Variants in PCDHGA7 observed in about 807,000 individuals in gnomAD.
PCDHGA7 encodes protocadherin gamma subfamily A, 7.
A neutral mutation model predicts 58.3 loss-of-function variants in PCDHGA7; 44 were observed. The ratio of observed to expected loss-of-function variants is 0.75; its 90% confidence interval spans 0.59 to 0.97. PCDHGA7 has a LOEUF of 0.97. Among genes scored for constraint, PCDHGA7 ranks in the 50% least tolerant of loss-of-function variants. PCDHGA7 has a pLI of 0.00. For missense variants in PCDHGA7, 1,266 were observed against 1,188.7 expected (o/e 1.06, Z -0.96); for synonymous variants, 516 against 504.2 (o/e 1.02, Z -0.31).
intron 1 of PCDHGA7, among the ~76,000 whole-genome samples, chr5:141,470,152 T>C (rs546219809): frequency 2.6e-5 from 4 of 152,308 alleles, no homozygotes; most frequent in African/African-American, 9.6e-5. Context: ...ATAGATCATC[T>C]TATCAAATCA....
At chr5:141,416,711 C>G (rs962144454) in intron 1 of PCDHGA7, 1 of 152,152 alleles carries the variant, frequency 6.6e-6, no homozygotes, top group South Asian at 2.1e-4. Context: ...ATTGGAGGTA[C>G]TGATGAGTTC....
At chr5:141,416,004 A>G (rs1225801773) in intron 1 of PCDHGA7, 2 of 254,264 alleles carry the variant, frequency 7.9e-6, no homozygotes, top group Non-Finnish European at 1.4e-5. Flanking sequence ...CAGGTCTGGT[A>G]AGAATAGGTA....
intron 1 of PCDHGA7, chr5:141,395,534 G>T: frequency 8.7e-6 from 3 of 344,098 alleles, no homozygotes; most frequent in East Asian, 5.8e-5. Context: ...TGGTAATTTT[G>T]CTATTGTTTG....
intron 1 of PCDHGA7, among the ~76,000 whole-genome samples, chr5:141,438,593 T>C (rs982159150): frequency 4.1e-5 from 3 of 73,984 alleles, no homozygotes; most frequent in Non-Finnish European, 5.5e-5. Flanking sequence ...CATACATACA[T>C]ATATATATAT....
intron 1 of PCDHGA7, chr5:141,419,360 C>T (rs763624320): frequency 6.2e-7 from 1 of 1,613,818 alleles, no homozygotes; most frequent in South Asian, 1.1e-5. Flanking sequence ...GTCACGAACG[C>T]TGTCGTCCTA....
intron 1 of PCDHGA7, among the ~76,000 whole-genome samples, chr5:141,483,709 G>A (rs1486825412): frequency 1.3e-5 from 2 of 152,036 alleles, no homozygotes; most frequent in Non-Finnish European, 2.9e-5. Flanking sequence ...TTTGACACCA[G>A]AATATTGGTT....
chr5:141,393,635 C>A (rs370544677), intron 1 of PCDHGA7: 1 of 1,613,750 alleles, frequency 6.2e-7, no homozygotes, highest in African/African-American at 1.3e-5. Context: ...AGGGAATCAA[C>A]GGAAAAGTGG....
In PCDHGA7 at chr5:141,429,386, T is replaced by A. The variant is rs534045300; in HGVS notation, c.2424+44063T>A. Among the ~76,000 whole-genome samples the A allele has an allele frequency of 4.0e-3, 602 of 151,936 alleles. 6 individuals carry two copies. The highest frequency in any genetic ancestry group is 0.011 in the Admixed American group (171 of 15,268). On this transcript the variant is annotated intron_variant, in intron 1 of 3. Coordinates refer to ENST00000518325, the MANE Select transcript of PCDHGA7 (RefSeq NM_018920.4). ...AAAATGGAGAAAATGTGTTTTTTTTTTAAAAAAAATTGAGATTAAGGTCTC... is the reference window on the plus strand; with the variant it reads ...AAAATGGAGAAAATGTGTTTTTTTTATAAAAAAAATTGAGATTAAGGTCTC...
intron 1 of PCDHGA7, chr5:141,404,335 C>G (rs2094514976): frequency 1.2e-6 from 2 of 1,613,936 alleles, no homozygotes; most frequent in Non-Finnish European, 1.7e-6. Context: ...CAGTCTACCT[C>G]CCGGAAAACA....
chr5:141,386,594 C>T (rs573192677), intron 1 of PCDHGA7, among the ~76,000 whole-genome samples: 2 of 151,204 alleles, frequency 1.3e-5, no homozygotes, highest in Non-Finnish European at 2.9e-5. Flanking sequence ...GTGGGGGATA[C>T]ATTTTTTTTT....
Position 141,415,089 on chromosome 5 carries a change from C to T in PCDHGA7, c.2424+29766C>T, listed in dbSNP as rs1159857230. 1.9e-6 allele frequency: 3 copies of T among 1,613,556 alleles called. No individual in the cohort carries two copies. In the South Asian group the frequency reaches 3.3e-5, roughly 18 times the overall value. The stretch of plus-strand genomic sequence containing the variant: ...TGCGCACGGCGCGAGCCCTGCTGGA[C>T]AGAGACGCGCTCAAGCAAAGCCTCG... On this transcript the variant is annotated intron_variant, in intron 1 of 3. Coordinates refer to ENST00000518325, the MANE Select transcript of PCDHGA7 (RefSeq NM_018920.4).
rs539901154 is a variant in PCDHGA7, at chr5:141,413,036, T to C, written c.2424+27713T>C. 238 of 805,778 alleles carry C rather than the reference T, an allele frequency of 3.0e-4. 1 individual carries two copies. Among genetic ancestry groups the C allele is most frequent in the Non-Finnish European group, 4.2e-4 (226 of 532,568 alleles). 49.9% of individuals were successfully genotyped at this position (805,778 alleles called of 1,614,324 possible). On this transcript the variant is annotated intron_variant, in intron 1 of 3. Transcript: ENST00000518325. ...TACACAAGCCCCACAAACCGGCTGC[T>C]GGGCTGCAGGGAAGCTCACTCCAGA...
At chr5:141,421,717 G>T in intron 1 of PCDHGA7, 2 of 1,613,932 alleles carry the variant, frequency 1.2e-6, no homozygotes, top group East Asian at 4.5e-5. Context: ...TCCAGATGTG[G>T]GCGTGAACTC....
At chr5:141,423,485 C>T (rs752918607) in intron 1 of PCDHGA7, 30 of 1,613,840 alleles carry the variant, frequency 1.9e-5, no homozygotes, top group Non-Finnish European at 2.2e-5. Context: ...TTCCTGCAAA[C>T]CTATTCCCAC....
rs142703691 is a variant in PCDHGA7 at position 141,489,691 on chromosome 5, C to T, written c.2425-5116C>T. On this transcript the variant is annotated intron_variant, in intron 1 of 3. Transcript: ENST00000518325. The surrounding 1 kb of genome is among the most constrained non-coding windows in gnomAD (Gnocchi z 4.5). ...CTCAGAATCAGCAGCATCTGGGGCACGATTCCCACTGGACAGTGCCCAGGA... is the reference window on the plus strand; with the variant it reads ...CTCAGAATCAGCAGCATCTGGGGCATGATTCCCACTGGACAGTGCCCAGGA... 8.1e-6 allele frequency: 13 copies of T among 1,614,164 alleles called. No individual in the cohort carries two copies. The highest frequency in any genetic ancestry group is 3.3e-5 in the South Asian group (3 of 91,080).
In PCDHGA7 at chr5:141,410,321, G is replaced by A. The variant is rs749017304; in HGVS notation, c.2424+24998G>A. ...AATCTCAGTGCTCTTCCTCCTCGCC[G>A]TGATTCTGGCCATTGCCTTGCGCCT... On this transcript the variant is annotated intron_variant, in intron 1 of 3. Transcript: ENST00000518325. The A allele has an allele frequency of 3.7e-6, 6 of 1,613,842 alleles. No homozygotes were observed. The East Asian group carries it at 1.1e-4, about 30-fold the overall frequency.
chr5:141,494,446 G>C (rs1046119515), intron 1 of PCDHGA7, among the ~76,000 whole-genome samples: 2 of 152,172 alleles, frequency 1.3e-5, no homozygotes, highest in African/African-American at 4.8e-5. Context: ...TGCCACTTTA[G>C]GGGGCTTTGT....
At chr5:141,478,498 G>T in intron 1 of PCDHGA7, 1 of 1,612,710 alleles carries the variant, frequency 6.2e-7, no homozygotes, top group South Asian at 1.1e-5. Context: ...GCTGTGATCC[G>T]GTGTTCTATA....
chr5:141,421,233 G>T (rs201076931), intron 1 of PCDHGA7: 2 of 1,592,240 alleles, frequency 1.3e-6, no homozygotes, highest in Non-Finnish European at 1.7e-6. Flanking sequence ...CTGCCATGGC[G>T]AATCGGCTAC....
Sources: allele counts gnomAD v4.1 joint callset (sites outside exome capture counted in the v4.1 genomes callset), GRCh38; gene constraint gnomAD v4.1.1; non-coding constraint Gnocchi (gnomAD v3.1); transcripts MANE v1.5; gene names NCBI Gene and HGNC (gene_info 2026-07-23, HGNC 2026-07-21).